The following DHX57 variants were observed in gnomAD, a reference collection of about 807,000 sequenced individuals.
DHX57 encodes the protein DExH-box helicase 57, also known as putative ATP-dependent RNA helicase DHX57.
Under a neutral mutation model 156.2 loss-of-function variants are expected in DHX57, and 105 were observed. The observed-to-expected ratio is 0.67, with a 90% CI of 0.57 to 0.79. The LOEUF is 0.79. Among genes scored for constraint, DHX57 ranks in the 30% least tolerant of loss-of-function variants. The probability of loss-of-function intolerance (pLI) is 0.00; values close to 1 mark genes in which losing one functional copy is unlikely to be tolerated. For missense variants in DHX57, 1,847 were observed against 1,661.9 expected, an observed-to-expected ratio of 1.11 and a Z score of -1.94; for synonymous variants, 704 against 595.6, an observed-to-expected ratio of 1.18 and a Z score of -2.65.
intron 21 of DHX57, chr2:38,811,562 A>T: frequency 7.8e-7 from 1 of 1,283,928 alleles, no homozygotes; most frequent in Non-Finnish European, 1.1e-6. Context: ...GGTAGGCAAT[A>T]ATGTCATAGC....
chr2:38,854,162 A>G lies in DHX57; in HGVS notation c.1922T>C (p.Leu641Pro). The part of the protein sequence containing the change: ...LESVKSSATR[L>P]LYCTTGVLLR... ...CAGCACTCCCGTGGTGCAGTATAAC[A>G]GTCTGGTGGCTGAGGACTTACACAT... Residue 641 changes from leucine (L) to proline (P), a missense_variant, in exon 9 of 24, where the codon CTG becomes CCG. Coordinates refer to ENST00000457308, the MANE Select transcript of DHX57 (RefSeq NM_198963.3). The G allele has an allele frequency of 6.2e-7, 1 of 1,613,932 alleles. No homozygotes were observed. The highest frequency in any genetic ancestry group is 8.5e-7 in the Non-Finnish European group (1 of 1,179,900).
In DHX57 at chr2:38,861,102, AG is replaced by A; in HGVS notation, c.1307del (p.Pro436LeufsTer2). The stretch of plus-strand genomic sequence containing the variant: ...TAGAGGGTACTGGCAGAAAGTTCAC[AG>A]GAGGGTCACTATACTTGTGGTGGGT... Reference protein sequence around the residue: ...TNTHHKYSDPPVNFLPVPSRT... With the variant: ...TNTHHKYSDPXVNFLPVPSRT... On this transcript the variant is annotated frameshift_variant, in exon 5 of 24. Coordinates refer to ENST00000457308, the MANE Select transcript of DHX57 (RefSeq NM_198963.3). LOFTEE classifies it high-confidence loss of function. 1 of 1,614,234 alleles carries A rather than the reference AG, an allele frequency of 6.2e-7. No individual in the cohort carries two copies. Among genetic ancestry groups the A allele is most frequent in the Non-Finnish European group, 8.5e-7 (1 of 1,180,030 alleles).
At chr2:38,858,539 A>T (rs114288948) in intron 6 of DHX57, 122 bp downstream of exon 6, 16,562 of 1,329,294 alleles carry the variant, frequency 0.012, 146 homozygotes, top group South Asian at 0.018. Context: ...AGAAACTTTG[A>T]CCACTCAGGG....
At chr2:38,839,891 CA>C (rs1029541184) in intron 12 of DHX57, among the ~76,000 whole-genome samples, 3 of 151,998 alleles carry the variant, frequency 2.0e-5, no homozygotes, top group African/African-American at 7.2e-5. Flanking sequence ...CCAGACTTTT[CA>C]AAAAGAAGAA....
chr2:38,812,405 T>C (rs901176846), intron 21 of DHX57, among the ~76,000 whole-genome samples: 4 of 152,206 alleles, frequency 2.6e-5, no homozygotes, highest in Non-Finnish European at 5.9e-5. Flanking sequence ...TTCTGCCAAA[T>C]TGAAACTCTC....
intron 1 of DHX57, among the ~76,000 whole-genome samples, chr2:38,874,517 C>G (rs1213523803): frequency 6.7e-6 from 1 of 150,340 alleles, no homozygotes; most frequent in Non-Finnish European, 1.5e-5. Context: ...TCACGCCATT[C>G]TCCTGCCTCA....
At chr2:38,820,009 G>A (rs193078312) in intron 17 of DHX57, among the ~76,000 whole-genome samples, 1 of 152,154 alleles carries the variant, frequency 6.6e-6, no homozygotes, top group East Asian at 1.9e-4. Context: ...ACCTTCTCAG[G>A]CTCTAAAGGT....
chr2:38,798,499 T>G, intron 23 of DHX57, 57 bp from the exon 24 acceptor site: 1 of 1,522,480 alleles, frequency 6.6e-7, no homozygotes, highest in Non-Finnish European at 8.8e-7. Context: ...GATAGGTTAT[T>G]GGAGGGAAAT....
rs1416999809 is a variant in DHX57 at position 38,798,150 on chromosome 2, A to T, written c.*149T>A. 9.6e-7 allele frequency: 1 copy of T among 1,045,808 alleles called. No homozygotes were observed. Among genetic ancestry groups the T allele is most frequent in the African/African-American group, 1.6e-5 (1 of 62,604 alleles). The allele number at this position is 1,045,808 out of a possible 1,614,324, so 64.8% of individuals were successfully genotyped here. The stretch of plus-strand genomic sequence containing the variant: ...GTTAGAAATGGCCCTAAGGGTATAT[A>T]CACTGCCTCAGCTGCCTTGGGCTTC... On this transcript the variant is annotated 3_prime_UTR_variant, in exon 24 of 24. Transcript: ENST00000457308.
intron 12 of DHX57, among the ~76,000 whole-genome samples, chr2:38,839,439 C>T (rs1324713309): frequency 2.0e-5 from 3 of 151,140 alleles, no homozygotes; most frequent in African/African-American, 4.9e-5. Context: ...CGGCTGGGCG[C>T]GGTGGCTCAT....
At position 38,868,194 on chromosome 2, in the gene DHX57, C is replaced by T. The variant is rs149091784; in HGVS notation, c.212G>A (p.Arg71Lys). ...GDDFCIFSES[R>K]RPSRPSNSNI... ...GAGTTATAATGACCTGGAAGGGCGC[C>T]TTGATTCACTGAAGATACAAAAGTC... Residue 71 changes from arginine (R) to lysine (K), a missense_variant, in exon 2 of 24, where the codon AGG (arginine) becomes AAG (lysine). Coordinates refer to ENST00000457308, the MANE Select transcript of DHX57 (RefSeq NM_198963.3). 4.0e-4 allele frequency: 638 copies of T among 1,613,946 alleles called. 1 individual carries two copies. In the African/African-American group the frequency reaches 4.8e-3, roughly 12 times the overall value.
At chr2:38,855,889 G>C (rs1482987844) in intron 7 of DHX57, among the ~76,000 whole-genome samples, 2 of 152,132 alleles carry the variant, frequency 1.3e-5, no homozygotes, top group African/African-American at 2.4e-5. Flanking sequence ...TTGAGGCCAG[G>C]AGTTCGAGAC....
intron 13 of DHX57, among the ~76,000 whole-genome samples, chr2:38,833,238 G>A (rs1005028673): frequency 6.6e-6 from 1 of 151,990 alleles, no homozygotes; most frequent in Non-Finnish European, 1.5e-5. Context: ...CGCCTCCTGG[G>A]TTCAAGAGAT....
At chr2:38,834,015 T>G (rs1032699469) in intron 13 of DHX57, among the ~76,000 whole-genome samples, 1 of 151,994 alleles carries the variant, frequency 6.6e-6, no homozygotes, top group Admixed American at 6.6e-5. Context: ...TCTAGAGAAA[T>G]GTGAACAAAT....
chr2:38,823,261 AT>A lies in DHX57; in HGVS notation c.3022del (p.Ile1008PhefsTer2). On this transcript the variant is annotated frameshift_variant, in exon 17 of 24. Transcript: ENST00000457308. LOFTEE classifies it high-confidence loss of function. ...PLEQLCLRIKILEMFSAHNLQ... is the reference protein window; with the variant it reads ...PLEQLCLRIKXLEMFSAHNLQ... Reference sequence around the variant, plus strand: ...ATTATGAGCACTAAACATCTCTAAAATTTTAATTCTGAAAAGGAAACAAAAT... The same window carrying A: ...ATTATGAGCACTAAACATCTCTAAAATTTAATTCTGAAAAGGAAACAAAAT... The A allele has an allele frequency of 6.2e-7, 1 of 1,610,268 alleles. No individual in the cohort carries two copies. The highest frequency in any genetic ancestry group is 8.5e-7 in the Non-Finnish European group (1 of 1,176,906).
chr2:38,832,158 G>A lies in DHX57; in HGVS notation c.2543-3722C>T, dbSNP rs142271151. ...AAGTCTCTTTAGACAACCACACAGC[G>A]GGCCGGGTGCAGTGGCTCACGCCTG... On this transcript the variant is annotated intron_variant, in intron 13 of 23. Transcript: ENST00000457308. 4.6e-3 allele frequency among the ~76,000 whole-genome samples: 696 copies of A among 151,894 alleles called. 16 individuals carry two copies. The highest frequency in any genetic ancestry group is 0.032 in the Admixed American group (488 of 15,238).
At chr2:38,871,416 A>C (rs577197348) in intron 1 of DHX57, among the ~76,000 whole-genome samples, 2 of 152,326 alleles carry the variant, frequency 1.3e-5, no homozygotes, top group African/African-American at 4.8e-5. Context: ...TATAACATTA[A>C]TAGATATAAT....
At chr2:38,846,775 G>GA (rs929508761) in intron 11 of DHX57, among the ~76,000 whole-genome samples, 1 of 151,442 alleles carries the variant, frequency 6.6e-6, no homozygotes, top group Non-Finnish European at 1.5e-5. Context: ...AGAAAAATTA[G>GA]AAAAAAAGAC....
At position 38,863,430 on chromosome 2, in the gene DHX57, GA is replaced by G; in HGVS notation, c.313del (p.Ser105LeufsTer7). 1 of 1,614,026 alleles carries G rather than the reference GA, an allele frequency of 6.2e-7. No individual in the cohort carries two copies. Among genetic ancestry groups the G allele is most frequent in the South Asian group, 1.1e-5 (1 of 91,052 alleles). On this transcript the variant is annotated frameshift_variant, in exon 3 of 24. Transcript: ENST00000457308. LOFTEE classifies it high-confidence loss of function. Reference protein sequence around the residue: ...KVPLQTLHMTSENQEKVKALL... With the variant: ...KVPLQTLHMTXENQEKVKALL... Reference sequence around the variant, plus strand: ...AGCTTTCACTTTCTCTTGATTCTCAGAAGTCATATGTAGAGTCTGAAGGGGT... The same window carrying G: ...AGCTTTCACTTTCTCTTGATTCTCAGAGTCATATGTAGAGTCTGAAGGGGT...
Sources: gnomAD v4.1 joint callset for allele counts (sites outside exome capture counted in the v4.1 genomes callset) on GRCh38, gnomAD v4.1.1 for gene constraint, MANE v1.5 for transcripts, NCBI Gene and HGNC (gene_info 2026-07-23, HGNC 2026-07-21) for gene names.